The following ITSN2 variants were observed in gnomAD, a reference collection of about 807,000 sequenced individuals.
ITSN2 encodes intersectin-2.
In ITSN2, 156 loss-of-function variants were observed where a neutral mutation model predicts 243.7. That is an observed-to-expected ratio of 0.64 (90% CI 0.56 to 0.73). The LOEUF is 0.73. Ranked by LOEUF, ITSN2 falls within the 30% of genes least tolerant of loss-of-function variation. The pLI, the probability that ITSN2 is intolerant of heterozygous loss-of-function variation, is 0.00. For synonymous variants in ITSN2, 703 were observed against 699.9 expected, an observed-to-expected ratio of 1.00 and a Z score of -0.07; for missense variants, 1,801 against 1,996.1, an observed-to-expected ratio of 0.90 and a Z score of 1.86.
intron 37 of ITSN2, 29 bp downstream of exon 37, chr2:24,208,208 T>G: frequency 6.3e-7 from 1 of 1,593,812 alleles, no homozygotes. Flanking sequence ...CCCTGGGGGC[T>G]GCGTCCCACC....
At chr2:24,251,791 A>G (rs1257245813) in intron 25 of ITSN2, among the ~76,000 whole-genome samples, 1 of 151,696 alleles carries the variant, frequency 6.6e-6, no homozygotes, top group African/African-American at 2.4e-5. Context: ...TAAATATATA[A>G]TTTCGCTTTT....
Position 24,204,056 on chromosome 2 carries a change from G to A in ITSN2, c.4936+189C>T, listed in dbSNP as rs1668587641. The A allele has an allele frequency of 3.1e-6, 2 of 646,770 alleles. No individual in the cohort carries two copies. The highest frequency in any genetic ancestry group is 3.7e-5 in the African/African-American group (2 of 54,600). The allele number at this position is 646,770 out of a possible 1,614,324, so 40.1% of individuals were successfully genotyped here. ...GTAGGGAGTGATGGGTCAAAGACCT[G>A]AAACACATCTCAGGCCACCTCCTCC... On this transcript the variant is annotated intron_variant, in intron 39 of 39. Coordinates refer to ENST00000355123, the MANE Select transcript of ITSN2 (RefSeq NM_006277.3). This position sits in a 1 kb window ranked among gnomAD's most constrained non-coding sequence, Gnocchi z 5.1.
chr2:24,232,719 C>T (rs769619072), intron 29 of ITSN2, among the ~76,000 whole-genome samples: 4 of 152,086 alleles, frequency 2.6e-5, no homozygotes, highest in Non-Finnish European at 5.9e-5. Context: ...TAATCTGAAG[C>T]TTAGTGGTGA....
intron 2 of ITSN2, among the ~76,000 whole-genome samples, chr2:24,326,904 C>T (rs1430730403): frequency 6.6e-6 from 1 of 152,098 alleles, no homozygotes; most frequent in Non-Finnish European, 1.5e-5. Context: ...GTTTAAAAAA[C>T]AACTGATTAA....
rs1299398763 is a variant in ITSN2, at chr2:24,208,221, C to T, written c.4678+16G>A. 1.9e-6 allele frequency: 3 copies of T among 1,610,074 alleles called. No individual in the cohort carries two copies. The highest frequency in any genetic ancestry group is 2.5e-6 in the Non-Finnish European group (3 of 1,178,132). ...GCCCCTGGGGGCTGCGTCCCACCCT[C>T]CGGGCACCCTGATACCTTGGTAAGC... is the stretch of plus-strand genomic sequence containing the variant. On this transcript the variant is annotated intron_variant, in intron 37 of 39. Transcript: ENST00000355123.
intron 1 of ITSN2, among the ~76,000 whole-genome samples, chr2:24,336,855 G>A (rs892263492): frequency 2.0e-5 from 3 of 152,024 alleles, no homozygotes; most frequent in African/African-American, 7.3e-5. Context: ...GAAAACACTC[G>A]ATAAACATTT....
rs776623920 is a variant in ITSN2, at chr2:24,204,397, T to C, written c.4784A>G (p.Glu1595Gly). Reference sequence around the variant, plus strand: ...GTAGCTCTGGGAGCCCATGCTGATTTCACAGTATGGGTTGCTCTTTCCTGA... The same window carrying C: ...GTAGCTCTGGGAGCCCATGCTGATTCCACAGTATGGGTTGCTCTTTCCTGA... ...KPNGKSNPYC[E>G]ISMGSQSYTT... The change falls in exon 39 of 40, where the codon GAA (glutamate) becomes GGA (glycine). Residue 1595 changes from glutamate (E) to glycine (G), a missense_variant. Transcript: ENST00000355123. This position sits in a 1 kb window ranked among gnomAD's most constrained non-coding sequence, Gnocchi z 5.1. The C allele has an allele frequency of 6.2e-7, 1 of 1,614,074 alleles. No individual in the cohort carries two copies. The highest frequency in any genetic ancestry group is 1.7e-5 in the Admixed American group (1 of 60,010).
intron 1 of ITSN2, among the ~76,000 whole-genome samples, chr2:24,340,667 T>C (rs969448944): frequency 6.6e-6 from 1 of 152,082 alleles, no homozygotes; most frequent in African/African-American, 2.4e-5. Context: ...AATGGAATTA[T>C]GTAGCCCGTT....
rs4665682 is a variant in ITSN2 at position 24,284,485 on chromosome 2, C to A, written c.1944+278G>T. Among the ~76,000 whole-genome samples the A allele has an allele frequency of 0.98, 148,938 of 152,304 alleles. 72,821 individuals are homozygous for A. The highest frequency in any genetic ancestry group is 0.99 in the East Asian group (5,141 of 5,188). On this transcript the variant is annotated intron_variant, in intron 17 of 39. Transcript: ENST00000355123. Reference sequence around the variant, plus strand: ...ATCATCTTTATCAGTTAACCCACTCCCAGGGATGTTGTAAAGGAACCAGGT... The same window carrying A: ...ATCATCTTTATCAGTTAACCCACTCACAGGGATGTTGTAAAGGAACCAGGT...
rs4332878 is a variant in ITSN2 at position 24,360,329 on chromosome 2, T to A, written c.-59A>T. 0.98 allele frequency: 149,298 copies of A among 152,452 alleles called. 73,105 individuals are homozygous for A. The highest frequency in any genetic ancestry group is 0.99 in the East Asian group (5,101 of 5,144). The allele number at this position is 152,452 out of a possible 1,614,324, so 9.4% of individuals were successfully genotyped here. ...CTGGCGCCCTCGCCGCGCCTCCCGC[T>A]CGTCACAGCGCGACTCCGCGTCCCT... On this transcript the variant is annotated 5_prime_UTR_variant, in exon 1 of 40. Coordinates refer to ENST00000355123, the MANE Select transcript of ITSN2 (RefSeq NM_006277.3).
intron 18 of ITSN2, among the ~76,000 whole-genome samples, chr2:24,272,647 T>C (rs975257045): frequency 1.3e-5 from 2 of 152,076 alleles, no homozygotes; most frequent in African/African-American, 4.8e-5. Context: ...TGTTGCCCAG[T>C]CTGGTCTGGA....
Position 24,308,772 on chromosome 2 carries a change from T to C in ITSN2, c.654-16A>G, listed in dbSNP as rs769945040. 3.9e-6 allele frequency: 5 copies of C among 1,279,360 alleles called. No individual in the cohort carries two copies. The allele number at this position is 1,279,360 out of a possible 1,614,324, so 79.3% of individuals were successfully genotyped here. On this transcript the variant is annotated splice_polypyrimidine_tract_variant and intron_variant, in intron 7 of 39. Coordinates refer to ENST00000355123, the MANE Select transcript of ITSN2 (RefSeq NM_006277.3). ...GGAAGTTGAGCTATAAAAAAATTTA[T>C]TTAAAATTTTTATGTTACTAAATAA...
At chr2:24,281,045 T>C (rs1678706643) in intron 17 of ITSN2, among the ~76,000 whole-genome samples, 3 of 152,244 alleles carry the variant, frequency 2.0e-5, no homozygotes. Flanking sequence ...TTGTTTTTTC[T>C]GAGACAGAGT....
At chr2:24,278,036 T>C (rs1678241791) in intron 17 of ITSN2, among the ~76,000 whole-genome samples, 1 of 152,218 alleles carries the variant, frequency 6.6e-6, no homozygotes, top group Non-Finnish European at 1.5e-5. Context: ...CTTATTATAG[T>C]GCAGAGCACC....
Position 24,252,471 on chromosome 2 carries a change from T to C in ITSN2, c.2994A>G (p.Gly998=). 6.2e-7 allele frequency: 1 copy of C among 1,612,656 alleles called. No homozygotes were observed. Among genetic ancestry groups the C allele is most frequent in the Non-Finnish European group, 8.5e-7 (1 of 1,178,868 alleles). The change falls in exon 25 of 40, where the codon GGA becomes GGG. Residue 998 remains glycine (G), a synonymous_variant. Coordinates refer to ENST00000355123, the MANE Select transcript of ITSN2 (RefSeq NM_006277.3). ...ALYPYSSVEP[G]DLTFTEGEEI... ...CTTCACCTTCTGTGAAAGTCAAATCTCCAGGTTCCACACTTGAATATGGAT... is the reference window on the plus strand; with the variant it reads ...CTTCACCTTCTGTGAAAGTCAAATCCCCAGGTTCCACACTTGAATATGGAT...
chr2:24,222,527 T>G (rs896761998), intron 29 of ITSN2, among the ~76,000 whole-genome samples: 3 of 152,124 alleles, frequency 2.0e-5, no homozygotes, highest in Non-Finnish European at 4.4e-5. Flanking sequence ...TTATTGATTC[T>G]CACGGCCAAG....
At chr2:24,221,205 T>C (rs1670418617) in intron 29 of ITSN2, 139 bp from the exon 30 acceptor site, 1 of 885,982 alleles carries the variant, frequency 1.1e-6, no homozygotes, top group South Asian at 1.7e-5. Flanking sequence ...TGCTAACTTC[T>C]GCAGAGCAGC....
intron 1 of ITSN2, among the ~76,000 whole-genome samples, chr2:24,340,013 G>A (rs1291920896): frequency 6.6e-6 from 1 of 151,994 alleles, no homozygotes; most frequent in Non-Finnish European, 1.5e-5. Flanking sequence ...TCCAGCTTGG[G>A]TAACAAAGTG....
chr2:24,213,143 G>A (rs532601290), intron 32 of ITSN2, among the ~76,000 whole-genome samples: 6 of 151,906 alleles, frequency 3.9e-5, no homozygotes, highest in Non-Finnish European at 5.9e-5. Context: ...CTCTCTTCTC[G>A]GAGCTGATTC....
Sources: allele counts gnomAD v4.1 joint callset (sites outside exome capture counted in the v4.1 genomes callset), GRCh38; gene constraint gnomAD v4.1.1; non-coding constraint Gnocchi (gnomAD v3.1); transcripts MANE v1.5; gene names NCBI Gene and HGNC (gene_info 2026-07-23, HGNC 2026-07-21).